Variants in MYO1D observed in about 807,000 individuals in gnomAD.
The protein encoded by MYO1D is unconventional myosin-Id.
In MYO1D, 83 loss-of-function variants were observed where a neutral mutation model predicts 122.0. The ratio of observed to expected loss-of-function variants is 0.68; its 90% CI spans 0.57 to 0.82. The LOEUF is 0.82. Among genes scored for constraint, MYO1D ranks in the 40% least tolerant of loss-of-function variants. The pLI, the probability that MYO1D is intolerant of heterozygous loss-of-function variation, is 0.00. For synonymous variants in MYO1D, 464 were observed against 446.9 expected, an observed-to-expected ratio of 1.04 and a Z score of -0.48; for missense variants, 1,157 against 1,269.5, an observed-to-expected ratio of 0.91 and a Z score of 1.35.
chr17:32,523,434 G>T (rs190873905), intron 21 of MYO1D: 1 of 152,258 alleles, frequency 6.6e-6, no homozygotes, highest in East Asian at 1.9e-4. Context: ...TTCATTCATC[G>T]AGTCCATGAG....
At chr17:32,582,417 T>G (rs1367222207) in intron 21 of MYO1D, among the ~76,000 whole-genome samples, 1 of 152,254 alleles carries the variant, frequency 6.6e-6, no homozygotes, top group Non-Finnish European at 1.5e-5. Context: ...CCCTTTGACC[T>G]ATAAGTTACT....
At chr17:32,876,726 C>G (rs1460620298) in intron 1 of MYO1D, 52 bp downstream of exon 1, 9 of 1,429,370 alleles carry the variant, frequency 6.3e-6, no homozygotes, top group South Asian at 1.3e-5. Context: ...GAGGCGCCCC[C>G]TCTCGGGAAA....
At chr17:32,851,186 C>G (rs1443154623) in intron 1 of MYO1D, among the ~76,000 whole-genome samples, 1 of 152,158 alleles carries the variant, frequency 6.6e-6, no homozygotes, top group Non-Finnish European at 1.5e-5. Context: ...CCATTCCCCC[C>G]ACTCTCAGCC....
At chr17:32,818,362 CCT>C (rs1465534264) in intron 1 of MYO1D, among the ~76,000 whole-genome samples, 81 of 152,140 alleles carry the variant, frequency 5.3e-4, no homozygotes, top group African/African-American at 1.9e-3. Flanking sequence ...CATGTGAAGG[CCT>C]CATTATGGAA....
At chr17:32,740,072 T>C (rs2089755569) in intron 13 of MYO1D, among the ~76,000 whole-genome samples, 1 of 152,254 alleles carries the variant, frequency 6.6e-6, no homozygotes, top group Non-Finnish European at 1.5e-5. Flanking sequence ...TAGATGTATA[T>C]TGTTTTTCCT....
chr17:32,538,397 G>A (rs1910725569), intron 21 of MYO1D, among the ~76,000 whole-genome samples: 1 of 151,436 alleles, frequency 6.6e-6, no homozygotes, highest in Non-Finnish European at 1.5e-5. Flanking sequence ...TGATCCTCCT[G>A]CCTTAGCTTC....
chr17:32,561,308 A>G (rs1432811362), intron 21 of MYO1D, among the ~76,000 whole-genome samples: 1 of 151,954 alleles, frequency 6.6e-6, no homozygotes, highest in African/African-American at 2.4e-5. Context: ...TACAAATTCT[A>G]CATTTGTAAG....
At chr17:32,607,449 T>C (rs1049927701) in intron 20 of MYO1D, among the ~76,000 whole-genome samples, 2 of 152,162 alleles carry the variant, frequency 1.3e-5, no homozygotes, top group Non-Finnish European at 2.9e-5. Context: ...CTGTAGGACC[T>C]ACATGTTGAA....
At chr17:32,789,328 C>A (rs1212797138) in intron 1 of MYO1D, among the ~76,000 whole-genome samples, 1 of 152,102 alleles carries the variant, frequency 6.6e-6, no homozygotes, top group African/African-American at 2.4e-5. Flanking sequence ...TGAACGTGGG[C>A]ATTCTTGTTT....
intron 16 of MYO1D, among the ~76,000 whole-genome samples, chr17:32,706,743 C>A (rs749946947): frequency 2.0e-5 from 3 of 152,178 alleles, no homozygotes; most frequent in Non-Finnish European, 4.4e-5. Context: ...GTTGCCCAGG[C>A]TGGAGTGTAG....
intron 20 of MYO1D, among the ~76,000 whole-genome samples, chr17:32,629,361 T>C (rs2087971989): frequency 6.6e-6 from 1 of 152,064 alleles, no homozygotes; most frequent in Non-Finnish European, 1.5e-5. Flanking sequence ...GAGTGAACCT[T>C]TGTGGGCAAC....
chr17:32,843,667 A>T (rs1163930420), intron 1 of MYO1D, among the ~76,000 whole-genome samples: 3 of 152,238 alleles, frequency 2.0e-5, no homozygotes, highest in Non-Finnish European at 4.4e-5. Context: ...ATGGAAGGAA[A>T]GGCAGTGGAT....
intron 11 of MYO1D, among the ~76,000 whole-genome samples, 171 bp downstream of exon 11, chr17:32,755,321 C>T (rs936249051): frequency 6.6e-6 from 1 of 152,140 alleles, no homozygotes; most frequent in African/African-American, 2.4e-5. Context: ...TACTATAAAC[C>T]AGAGAGGCAG....
chr17:32,625,862 G>A (rs1157790108), intron 20 of MYO1D, among the ~76,000 whole-genome samples: 1 of 152,182 alleles, frequency 6.6e-6, no homozygotes, highest in African/African-American at 2.4e-5. Flanking sequence ...TGTGTTATCT[G>A]TCAAAGGGAG....
At chr17:32,691,182 A>G (rs986417387) in intron 16 of MYO1D, among the ~76,000 whole-genome samples, 13 of 151,650 alleles carry the variant, frequency 8.6e-5, no homozygotes, top group African/African-American at 3.1e-4. Context: ...GCTTGAGCCC[A>G]GGAGTTCAAG....
At chr17:32,861,269 T>C (rs1329911938) in intron 1 of MYO1D, among the ~76,000 whole-genome samples, 2 of 152,084 alleles carry the variant, frequency 1.3e-5, no homozygotes, top group South Asian at 2.1e-4. Context: ...GGTTTCACCA[T>C]GTTAGCCAGG....
At chr17:32,565,441 C>T (rs1381507353) in intron 21 of MYO1D, among the ~76,000 whole-genome samples, 1 of 152,184 alleles carries the variant, frequency 6.6e-6, no homozygotes, top group African/African-American at 2.4e-5. Context: ...ACCTCTGGAC[C>T]CTGGAGATAT....
At chr17:32,499,992 A>AATAAAT (rs1274979642) in intron 21 of MYO1D, among the ~76,000 whole-genome samples, 1 of 152,182 alleles carries the variant, frequency 6.6e-6, no homozygotes, top group Non-Finnish European at 1.5e-5. Context: ...TAAAAATAAA[A>AATAAAT]AATAAACAAC....
At chr17:32,505,565 T>C (rs939336792) in intron 21 of MYO1D, 7 of 152,112 alleles carry the variant, frequency 4.6e-5, no homozygotes, top group Non-Finnish European at 8.8e-5. Flanking sequence ...TGGCAGGGCC[T>C]TCCGCAGGCT....
Sources: allele counts gnomAD v4.1 joint callset (sites outside exome capture counted in the v4.1 genomes callset), GRCh38; gene constraint gnomAD v4.1.1; transcripts MANE v1.5; gene names NCBI Gene and HGNC (gene_info 2026-07-23, HGNC 2026-07-21).